The following ZBTB7C variants were observed in gnomAD, a reference collection of about 807,000 sequenced individuals.
ZBTB7C encodes the protein zinc finger and BTB domain-containing protein 7C.
In ZBTB7C, 8 loss-of-function variants were observed where a neutral mutation model predicts 25.7. That is an observed-to-expected ratio of 0.31 (90% CI 0.18 to 0.56). The LOEUF (loss-of-function observed/expected upper bound fraction) is 0.56, where lower values mean the gene tolerates loss of function less well. ZBTB7C is among the 20% of genes least tolerant of loss of function. The probability of loss-of-function intolerance (pLI) is 0.91; values close to 1 mark genes in which losing one functional copy is unlikely to be tolerated. For synonymous variants in ZBTB7C, 394 were observed against 369.0 expected (o/e 1.07, Z -0.78); for missense variants, 824 against 855.2 (o/e 0.96, Z 0.46).
At chr18:48,285,615 G>C (rs117108460) in intron 2 of ZBTB7C, among the ~76,000 whole-genome samples, 7,661 of 152,234 alleles carry the variant, frequency 0.05, 251 homozygotes, top group Non-Finnish European at 0.071. Context: ...TCCTCTCAAA[G>C]TGCTGGGATT....
intron 2 of ZBTB7C, among the ~76,000 whole-genome samples, chr18:48,307,756 G>A (rs1452881534): frequency 6.6e-6 from 1 of 152,174 alleles, no homozygotes. Context: ...GCCAAGGAAG[G>A]AGAATTGCTT....
intron 2 of ZBTB7C, chr18:48,203,434 A>G (rs2042503827): frequency 6.6e-6 from 1 of 152,198 alleles, no homozygotes; most frequent in African/African-American, 2.4e-5. Flanking sequence ...AGAAATCTTA[A>G]AGCTGCTGAG....
At position 48,029,715 on chromosome 18, in the gene ZBTB7C, G is replaced by A; in HGVS notation, c.1405C>T (p.Arg469Cys). 1.9e-6 allele frequency: 3 copies of A among 1,605,460 alleles called. No homozygotes were observed. Among genetic ancestry groups the A allele is most frequent in the South Asian group, 2.2e-5 (2 of 90,986 alleles). ...RSDHLHRHIKRQSCRMARPRR... is the reference protein window; with the variant it reads ...RSDHLHRHIKCQSCRMARPRR... ...GGCCGTGCCATGCGGCAGCTCTGGC[G>A]CTTGATGTGGCGGTGCAGGTGGTCA... The change falls in exon 5 of 5, where the codon CGC becomes TGC. Residue 469 changes from arginine (R) to cysteine (C), a missense_variant. Physicochemically the swap from Arg to Cys is radical, Grantham distance 180 (BLOSUM62 -3). This residue lies in a region of ZBTB7C where 342 missense variants were observed against 307.0 expected (regional missense o/e 1.11). Coordinates refer to ENST00000590800, the MANE Select transcript of ZBTB7C (RefSeq NM_001318841.2).
intron 2 of ZBTB7C, among the ~76,000 whole-genome samples, chr18:48,291,690 C>T (rs959345804): frequency 3.9e-5 from 6 of 152,216 alleles, no homozygotes; most frequent in Admixed American, 1.3e-4. Flanking sequence ...TCTATAGCCA[C>T]AGCCATTATG....
intron 3 of ZBTB7C, among the ~76,000 whole-genome samples, chr18:48,083,668 AT>A (rs1353383154): frequency 6.6e-6 from 1 of 152,114 alleles, no homozygotes; most frequent in Non-Finnish European, 1.5e-5. Context: ...CTGTAACGGA[AT>A]TTGTCATAAT....
At chr18:48,314,113 A>G (rs1310728639) in intron 2 of ZBTB7C, among the ~76,000 whole-genome samples, 1 of 152,228 alleles carries the variant, frequency 6.6e-6, no homozygotes, top group Non-Finnish European at 1.5e-5. Context: ...ACCCTGTCTC[A>G]GGTATTCCTT....
At chr18:48,303,655 T>C (rs1010947137) in intron 2 of ZBTB7C, among the ~76,000 whole-genome samples, 2 of 151,888 alleles carry the variant, frequency 1.3e-5, no homozygotes, top group African/African-American at 2.4e-5. Flanking sequence ...AGGGGAGCAA[T>C]AGGCTGGGCA....
At chr18:48,292,622 GAC>G (rs1407110437) in intron 2 of ZBTB7C, among the ~76,000 whole-genome samples, 3 of 152,202 alleles carry the variant, frequency 2.0e-5, no homozygotes, top group African/African-American at 7.2e-5. Flanking sequence ...CCTGGGCAGG[GAC>G]CTGGGGTGGA....
At chr18:48,106,682 A>C (rs1267013539) in intron 3 of ZBTB7C, among the ~76,000 whole-genome samples, 3 of 152,194 alleles carry the variant, frequency 2.0e-5, no homozygotes, top group Non-Finnish European at 4.4e-5. Context: ...TTCATTCTAC[A>C]TCAGTCATGC....
At chr18:48,284,615 G>A (rs887651370) in intron 2 of ZBTB7C, among the ~76,000 whole-genome samples, 11 of 152,104 alleles carry the variant, frequency 7.2e-5, no homozygotes, top group East Asian at 1.9e-4. Flanking sequence ...CCAACATAGC[G>A]GAACCGTGTC....
At chr18:48,117,178 C>A (rs560958909) in intron 3 of ZBTB7C, among the ~76,000 whole-genome samples, 1 of 152,298 alleles carries the variant, frequency 6.6e-6, no homozygotes, top group African/African-American at 2.4e-5. Context: ...ACCAGTCCCT[C>A]CGTGGACAAA....
At chr18:48,088,699 G>A (rs138592055) in intron 3 of ZBTB7C, among the ~76,000 whole-genome samples, 1,895 of 152,164 alleles carry the variant, frequency 0.012, 46 homozygotes, top group East Asian at 0.092. Flanking sequence ...GTGTGGTGGT[G>A]CATACCTGTA....
rs78028146 is a variant in ZBTB7C, at chr18:48,076,921, C to T, written c.-16-35798G>A. 6.1e-6 allele frequency: 6 copies of T among 985,074 alleles called. No individual in the cohort carries two copies. The African/African-American group carries it at 8.7e-5, about 14-fold the overall frequency. 61.0% of individuals were successfully genotyped at this position (985,074 alleles called of 1,614,324 possible). A position where few individuals can be genotyped will look rare whatever the true frequency, so the allele number is the denominator to read the frequency against. ...TCGAATTCAATCAAGGAAGAAGCTT[C>T]AAATAAGTACTAACCTGGCTTTAAC... is the stretch of plus-strand genomic sequence containing the variant. On this transcript the variant is annotated intron_variant, in intron 3 of 4. Coordinates refer to ENST00000590800, the MANE Select transcript of ZBTB7C (RefSeq NM_001318841.2).
At chr18:48,090,506 C>CT (rs772995898) in intron 3 of ZBTB7C, among the ~76,000 whole-genome samples, 80 of 152,342 alleles carry the variant, frequency 5.3e-4, no homozygotes, top group Non-Finnish European at 9.1e-4. Context: ...CCGTCAGCTA[C>CT]TTCTCCCTGC....
At chr18:48,247,346 A>G (rs1004452140) in intron 2 of ZBTB7C, among the ~76,000 whole-genome samples, 1 of 152,246 alleles carries the variant, frequency 6.6e-6, no homozygotes, top group Non-Finnish European at 1.5e-5. Context: ...AGACACCCCA[A>G]TGGAAATAAA....
chr18:48,077,624 G>C (rs2037822034), intron 3 of ZBTB7C, among the ~76,000 whole-genome samples: 1 of 152,186 alleles, frequency 6.6e-6, no homozygotes, highest in Non-Finnish European at 1.5e-5. Context: ...TCACCAAAGA[G>C]GGTAGCTGCT....
chr18:48,109,251 C>A (rs549266094), intron 3 of ZBTB7C, among the ~76,000 whole-genome samples: 1 of 152,186 alleles, frequency 6.6e-6, no homozygotes, highest in Non-Finnish European at 1.5e-5. Flanking sequence ...AGTGGAAAGA[C>A]CCCCATCCAG....
At chr18:48,353,155 C>G (rs2046902044) in intron 1 of ZBTB7C, among the ~76,000 whole-genome samples, 1 of 152,292 alleles carries the variant, frequency 6.6e-6, no homozygotes, top group African/African-American at 2.4e-5. Context: ...CAAAACAACT[C>G]TGGGAGATAG....
chr18:48,217,317 C>T (rs2042847632), intron 2 of ZBTB7C, among the ~76,000 whole-genome samples: 1 of 152,180 alleles, frequency 6.6e-6, no homozygotes, highest in South Asian at 2.1e-4. Flanking sequence ...CTTCCTGTCC[C>T]CAAGAAGCCC....
Sources: gnomAD v4.1 joint callset for allele counts (sites outside exome capture counted in the v4.1 genomes callset) on GRCh38, gnomAD v4.1.1 for gene constraint, gnomAD v4.1.1 regional missense constraint, MANE v1.5 for transcripts, NCBI Gene and HGNC (gene_info 2026-07-23, HGNC 2026-07-21) for gene names.